Variants in NSD3 observed in about 807,000 individuals in gnomAD.
The protein encoded by NSD3 is histone-lysine N-methyltransferase NSD3.
Under a neutral mutation model 160.8 loss-of-function variants are expected in NSD3, and 24 were observed. The ratio of observed to expected loss-of-function variants is 0.15; its 90% CI spans 0.11 to 0.21. The LOEUF (loss-of-function observed/expected upper bound fraction) is 0.21. Ranked by LOEUF, NSD3 falls within the 10% of genes least tolerant of loss-of-function variation. The probability of loss-of-function intolerance (pLI) is 1.00; values close to 1 mark genes in which losing one functional copy is unlikely to be tolerated. For synonymous variants in NSD3, 520 were observed against 600.0 expected (o/e 0.87, Z 1.95); for missense variants, 1,157 against 1,735.9 (o/e 0.67, Z 5.93).
chr8:38,299,397 A>G (rs976108935), intron 15 of NSD3, 47 bp downstream of exon 15: 1 of 1,577,490 alleles, frequency 6.3e-7, no homozygotes, highest in Admixed American at 1.8e-5. Context: ...AGAGAAAAAA[A>G]TAGGAAATGC....
intron 1 of NSD3, among the ~76,000 whole-genome samples, chr8:38,367,689 G>T (rs974343275): frequency 2.6e-5 from 4 of 152,094 alleles, no homozygotes; most frequent in Non-Finnish European, 5.9e-5. Flanking sequence ...TCCAGCCTGG[G>T]TGACAGAGTG....
chr8:38,366,561 C>T (rs923171759), intron 1 of NSD3, among the ~76,000 whole-genome samples: 3 of 151,768 alleles, frequency 2.0e-5, no homozygotes, highest in African/African-American at 7.3e-5. Flanking sequence ...CTACAGGCGC[C>T]CGCCACCACA....
At chr8:38,344,991 T>C (rs1376308174) in intron 2 of NSD3, among the ~76,000 whole-genome samples, 1 of 152,176 alleles carries the variant, frequency 6.6e-6, no homozygotes, top group African/African-American at 2.4e-5. Context: ...TATATGCAGT[T>C]GTGAAACATT....
At chr8:38,284,338 T>G (rs1207157302) in intron 19 of NSD3, among the ~76,000 whole-genome samples, 1 of 152,252 alleles carries the variant, frequency 6.6e-6, no homozygotes, top group Non-Finnish European at 1.5e-5. Flanking sequence ...CAGATTGTAT[T>G]GCCATCTTGG....
In NSD3 at chr8:38,331,685, A is replaced by G. The variant is rs1810064492; in HGVS notation, c.911-100T>C. ...ACCCAGGTTCCTCAGTATTACTCCC[A>G]CTAAAACTTGTATGTTTGGATTGTC... On this transcript the variant is annotated intron_variant, in intron 4 of 23. Transcript: ENST00000317025. The G allele has an allele frequency of 8.1e-6, 10 of 1,227,692 alleles. No individual in the cohort carries two copies. The East Asian group carries it at 1.2e-4, about 15-fold the overall frequency. 76.0% of individuals were successfully genotyped at this position (1,227,692 alleles called of 1,614,324 possible).
chr8:38,366,434 T>G (rs994038777), intron 1 of NSD3, among the ~76,000 whole-genome samples: 4 of 149,018 alleles, frequency 2.7e-5, no homozygotes, highest in Admixed American at 6.7e-5. Context: ...TTTTTTTTTT[T>G]GAGATAGAGT....
In NSD3 at chr8:38,288,108, G is replaced by A. The variant is rs1808909765; in HGVS notation, c.3501+379C>T. Among the ~76,000 whole-genome samples the A allele has an allele frequency of 1.3e-5, 2 of 151,994 alleles. No individual in the cohort carries two copies. The highest frequency in any genetic ancestry group is 1.3e-4 in the Admixed American group (2 of 15,262). On this transcript the variant is annotated intron_variant, in intron 19 of 23. Coordinates refer to ENST00000317025, the MANE Select transcript of NSD3 (RefSeq NM_023034.2). The surrounding 1 kb of genome is among the most constrained non-coding windows in gnomAD (Gnocchi z 4.5). Reference sequence around the variant, plus strand: ...GAAGTGGGAGGATCTCTTGAGCCCAGGAGTTCAAGGCTTGAGTGAGCTATG... The same window carrying A: ...GAAGTGGGAGGATCTCTTGAGCCCAAGAGTTCAAGGCTTGAGTGAGCTATG...
intron 7 of NSD3, among the ~76,000 whole-genome samples, chr8:38,322,858 A>G (rs1287533763): frequency 6.6e-6 from 1 of 152,218 alleles, no homozygotes. Context: ...AGTTAACATC[A>G]GCTGAGATGA....
chr8:38,373,471 G>A (rs768192058), intron 1 of NSD3, among the ~76,000 whole-genome samples: 1 of 151,868 alleles, frequency 6.6e-6, no homozygotes, highest in Non-Finnish European at 1.5e-5. Flanking sequence ...ATTTCATAAC[G>A]TAAAAGGCTT....
At chr8:38,364,880 TG>T (rs768851629) in intron 1 of NSD3, among the ~76,000 whole-genome samples, 3 of 152,176 alleles carry the variant, frequency 2.0e-5, no homozygotes, top group Non-Finnish European at 2.9e-5. Context: ...AATCACTAGG[TG>T]GAAATTTATT....
At chr8:38,296,671 CCTCTGT>C (rs1279758894) in intron 15 of NSD3, among the ~76,000 whole-genome samples, 8 of 114,892 alleles carry the variant, frequency 7.0e-5, no homozygotes, top group African/African-American at 2.5e-4. Context: ...TCTCTCTCTC[CCTCTGT>C]GTGTGTGTGT....
chr8:38,281,606 T>G (rs778649180), intron 19 of NSD3, 23 bp from the exon 20 acceptor site: 5 of 1,516,576 alleles, frequency 3.3e-6, no homozygotes, highest in Non-Finnish European at 4.5e-6. Context: ...GTGCAATATG[T>G]AACTTAAAAT....
intron 12 of NSD3, among the ~76,000 whole-genome samples, chr8:38,306,818 A>G (rs1272119773): frequency 6.6e-6 from 1 of 152,152 alleles, no homozygotes; most frequent in Non-Finnish European, 1.5e-5. Context: ...AACCAGTTAT[A>G]AAACAGAAAA....
In NSD3 at chr8:38,326,793, T is replaced by C. The variant is rs1809922329; in HGVS notation, c.1645A>G (p.Asn549Asp). Residue 549 changes from asparagine to aspartate, a missense_variant, in exon 7 of 24, where the codon AAC becomes GAC. Around this residue, in one of 10 missense-constraint regions of NSD3, gnomAD observed 102 missense variants for 126.5 expected, o/e 0.81. Coordinates refer to ENST00000317025, the MANE Select transcript of NSD3 (RefSeq NM_023034.2). ...TGCGTTGGCTTTTCATTTCTCTGGT[T>C]TGGTGTAGAAATTATAAGCCTGTCT... is the stretch of plus-strand genomic sequence containing the variant. ...GQDRLIISTP[N>D]QRNEKPTQSV... 1.2e-6 allele frequency: 2 copies of C among 1,614,092 alleles called. No homozygotes were observed. The highest frequency in any genetic ancestry group is 2.2e-5 in the East Asian group (1 of 44,856).
At chr8:38,327,305 C>G (rs1398332715) in intron 6 of NSD3, among the ~76,000 whole-genome samples, 1 of 152,086 alleles carries the variant, frequency 6.6e-6, no homozygotes, top group Non-Finnish European at 1.5e-5. Flanking sequence ...ATCTGCTCAC[C>G]TTGGCCTCCC....
Position 38,316,165 on chromosome 8 carries a change from C to G in NSD3, c.1856-123G>C, listed in dbSNP as rs1406254194. The G allele has an allele frequency of 7.5e-7, 1 of 1,337,258 alleles. No individual in the cohort carries two copies. The allele number at this position is 1,337,258 out of a possible 1,614,324, so 82.8% of individuals were successfully genotyped here. A position where few individuals can be genotyped will look rare whatever the true frequency, so the allele number is the denominator to read the frequency against. ...TTTAGTGTGGAAAAAGCATAGCTCT[C>G]TTTGTAACACTGAAATAATGAGTCA... On this transcript the variant is annotated intron_variant, in intron 9 of 23. Transcript: ENST00000317025. This position sits in a 1 kb window ranked among gnomAD's most constrained non-coding sequence, Gnocchi z 4.5.
At chr8:38,352,114 A>G (rs941416448) in intron 1 of NSD3, among the ~76,000 whole-genome samples, 2 of 152,138 alleles carry the variant, frequency 1.3e-5, no homozygotes, top group Non-Finnish European at 2.9e-5. Context: ...GATTAATAAT[A>G]GACTGATTAA....
rs535445365 is a variant in NSD3, at chr8:38,281,091, G to A, written c.3618+376C>T. Among the ~76,000 whole-genome samples the A allele has an allele frequency of 5.9e-5, 9 of 152,132 alleles. No homozygotes were observed. In the East Asian group the frequency reaches 1.7e-3, roughly 29 times the overall value. ...AATATACAGAACAATTTGGAGTTTT[G>A]GCTCCAGTAGAACTTTAATAACGGT... On this transcript the variant is annotated intron_variant, in intron 20 of 23. Transcript: ENST00000317025.
At chr8:38,340,066 T>G (rs1810322421) in intron 2 of NSD3, among the ~76,000 whole-genome samples, 1 of 152,134 alleles carries the variant, frequency 6.6e-6, no homozygotes, top group South Asian at 2.1e-4. Context: ...AGGAAGATAT[T>G]CTATACCTTT....
Sources: allele counts gnomAD v4.1 joint callset (sites outside exome capture counted in the v4.1 genomes callset), GRCh38; gene constraint gnomAD v4.1.1; regional missense constraint gnomAD v4.1.1; non-coding constraint Gnocchi (gnomAD v3.1); transcripts MANE v1.5; gene names NCBI Gene and HGNC (gene_info 2026-07-23, HGNC 2026-07-21).